Variants in PARVA observed in about 807,000 individuals in gnomAD.
PARVA encodes the protein alpha-parvin.
A neutral mutation model predicts 52.6 loss-of-function variants in PARVA; 25 were observed. That is an observed-to-expected ratio of 0.48 (90% CI 0.35 to 0.66). The LOEUF (loss-of-function observed/expected upper bound fraction) is 0.66. Among genes scored for constraint, PARVA ranks in the 30% least tolerant of loss-of-function variants. PARVA has a pLI of 0.01. For missense variants in PARVA, 373 were observed against 450.9 expected (o/e 0.83, Z 1.56); for synonymous variants, 185 against 179.1 (o/e 1.03, Z -0.26).
chr11:12,377,343 A>C (rs1269574590), upstream of PARVA: 2 of 1,144,272 alleles, frequency 1.7e-6, no homozygotes, highest in East Asian at 3.3e-5. Context: ...GACCGCTCCC[A>C]ACCTGGGCAC....
At chr11:12,448,214 C>CG (rs1314000456) in intron 1 of PARVA, among the ~76,000 whole-genome samples, 5 of 152,190 alleles carry the variant, frequency 3.3e-5, no homozygotes, top group Non-Finnish European at 5.9e-5. Flanking sequence ...ATGAGGAAGG[C>CG]GGGGGGTCAT....
chr11:12,462,862 A>G (rs1940801819), intron 1 of PARVA, among the ~76,000 whole-genome samples: 1 of 152,142 alleles, frequency 6.6e-6, no homozygotes, highest in Admixed American at 6.6e-5. Context: ...CAGCCCTGGA[A>G]ACAACCAACA....
At chr11:12,488,536 A>G (rs1941191146) in intron 4 of PARVA, among the ~76,000 whole-genome samples, 1 of 152,202 alleles carries the variant, frequency 6.6e-6, no homozygotes, top group Non-Finnish European at 1.5e-5. Context: ...TCTTGGGTAG[A>G]GTCTGAGCAA....
chr11:12,481,932 G>T lies in PARVA; in HGVS notation c.400+3983G>T, dbSNP rs890958480. On this transcript the variant is annotated intron_variant, in intron 4 of 12. Coordinates refer to ENST00000334956, the MANE Select transcript of PARVA (RefSeq NM_018222.5). ...CACCTGTAATCCCAGCACTTTGGGAGACTCAGGCAGGTGGATCATCTGAGG... is the reference window on the plus strand; with the variant it reads ...CACCTGTAATCCCAGCACTTTGGGATACTCAGGCAGGTGGATCATCTGAGG... Among the ~76,000 whole-genome samples the T allele has an allele frequency of 2.5e-4, 38 of 152,110 alleles. 1 individual carries two copies. Among genetic ancestry groups the T allele is most frequent in the African/African-American group, 7.7e-4 (32 of 41,402 alleles).
At chr11:12,421,264 TTTACA>T (rs957179028) in intron 1 of PARVA, among the ~76,000 whole-genome samples, 2 of 151,962 alleles carry the variant, frequency 1.3e-5, no homozygotes, top group African/African-American at 4.8e-5. Context: ...AACTGAAGTG[TTTACA>T]TTATATACTT....
At chr11:12,422,914 G>A (rs1940173044) in intron 1 of PARVA, among the ~76,000 whole-genome samples, 1 of 152,060 alleles carries the variant, frequency 6.6e-6, no homozygotes, top group Admixed American at 6.6e-5. Context: ...GGAGTGTAGT[G>A]GCACAATCTC....
At chr11:12,510,653 T>C (rs151326128) in intron 7 of PARVA, among the ~76,000 whole-genome samples, 1 of 152,148 alleles carries the variant, frequency 6.6e-6, no homozygotes, top group Non-Finnish European at 1.5e-5. Context: ...GGCAAAAGGC[T>C]CTTCTTACAT....
At chr11:12,444,229 G>C (rs1404191758) in intron 1 of PARVA, among the ~76,000 whole-genome samples, 1 of 152,172 alleles carries the variant, frequency 6.6e-6, no homozygotes, top group African/African-American at 2.4e-5. Context: ...ACATCAGGCA[G>C]TGCTGTTGGT....
intron 1 of PARVA, among the ~76,000 whole-genome samples, chr11:12,427,690 G>A (rs1284260814): frequency 6.6e-6 from 1 of 152,154 alleles, no homozygotes; most frequent in Non-Finnish European, 1.5e-5. Context: ...TCATCAGCAG[G>A]GTTGAATAAG....
chr11:12,493,699 G>GA (rs1232472327), intron 4 of PARVA, among the ~76,000 whole-genome samples: 2 of 151,824 alleles, frequency 1.3e-5, no homozygotes, highest in Non-Finnish European at 2.9e-5. Flanking sequence ...AGTGGAAACA[G>GA]AAAAACAATG....
chr11:12,475,671 G>A (rs1159886003), intron 3 of PARVA, among the ~76,000 whole-genome samples: 6 of 152,174 alleles, frequency 3.9e-5, no homozygotes, highest in African/African-American at 1.4e-4. Context: ...TCTCAGAGGA[G>A]ATGTGTAAAT....
At chr11:12,497,800 G>A (rs1941316811) in intron 5 of PARVA, among the ~76,000 whole-genome samples, 1 of 152,124 alleles carries the variant, frequency 6.6e-6, no homozygotes, top group African/African-American at 2.4e-5. Context: ...AGGGCAGGGA[G>A]GTTGATGACT....
intron 12 of PARVA, among the ~76,000 whole-genome samples, chr11:12,526,647 TC>T (rs1941704972): frequency 6.6e-6 from 1 of 152,186 alleles, no homozygotes; most frequent in South Asian, 2.1e-4. Context: ...ACATAACCTC[TC>T]CCTTCTCCCT....
intron 12 of PARVA, among the ~76,000 whole-genome samples, chr11:12,522,447 G>A (rs1363030756): frequency 1.4e-5 from 2 of 142,058 alleles, no homozygotes; most frequent in African/African-American, 2.6e-5. Flanking sequence ...TTCTTGAGAC[G>A]GAGTTTCGCT....
intron 1 of PARVA, among the ~76,000 whole-genome samples, 187 bp downstream of exon 1, chr11:12,377,970 G>C (rs893617217): frequency 6.7e-6 from 1 of 148,218 alleles, no homozygotes; most frequent in African/African-American, 2.4e-5. Flanking sequence ...CACTGAGCCC[G>C]GGGCTCGCGG....
intron 12 of PARVA, among the ~76,000 whole-genome samples, chr11:12,522,220 C>G (rs1941645708): frequency 6.6e-6 from 1 of 152,110 alleles, no homozygotes; most frequent in Admixed American, 6.5e-5. Flanking sequence ...ATATTCATAT[C>G]ATGGATTATA....
intron 5 of PARVA, among the ~76,000 whole-genome samples, chr11:12,501,247 G>T (rs1338418894): frequency 1.3e-5 from 2 of 151,710 alleles, no homozygotes; most frequent in African/African-American, 2.4e-5. Flanking sequence ...TTTTATGTAT[G>T]CATATATCCA....
intron 1 of PARVA, among the ~76,000 whole-genome samples, chr11:12,438,870 A>G (rs1018831774): frequency 5.3e-5 from 8 of 152,336 alleles, no homozygotes; most frequent in Admixed American, 4.6e-4. Context: ...GTTGGCACTC[A>G]GTAAACATTT....
chr11:12,483,569 A>C (rs1941117247), intron 4 of PARVA, among the ~76,000 whole-genome samples: 1 of 152,154 alleles, frequency 6.6e-6, no homozygotes, highest in African/African-American at 2.4e-5. Context: ...CTGTGCAGGA[A>C]ATAAAAACTT....
Sources: gnomAD v4.1 joint callset for allele counts (sites outside exome capture counted in the v4.1 genomes callset) on GRCh38, gnomAD v4.1.1 for gene constraint, MANE v1.5 for transcripts, NCBI Gene and HGNC (gene_info 2026-07-23, HGNC 2026-07-21) for gene names.